Variants in NTM observed in about 807,000 individuals in gnomAD.
NTM encodes IgLON family member 2.
Under a neutral mutation model 42.1 loss-of-function variants are expected in NTM, and 13 were observed. That is an observed-to-expected ratio of 0.31 (90% CI 0.20 to 0.49). The LOEUF (loss-of-function observed/expected upper bound fraction) is 0.49, where lower values mean the gene tolerates loss of function less well. Ranked by LOEUF, NTM falls within the 20% of genes least tolerant of loss-of-function variation. The pLI is 0.99. For missense variants in NTM, 373 were observed against 452.8 expected, an observed-to-expected ratio of 0.82 and a Z score of 1.60; for synonymous variants, 187 against 179.2, an observed-to-expected ratio of 1.04 and a Z score of -0.35.
At chr11:131,832,337 G>T (rs2042924388) in intron 1 of NTM, among the ~76,000 whole-genome samples, 1 of 152,042 alleles carries the variant, frequency 6.6e-6, no homozygotes, top group South Asian at 2.1e-4. Flanking sequence ...AGCATGTGAT[G>T]TTTGGCAAAG....
At chr11:131,670,820 T>C (rs1361176499) in intron 1 of NTM, among the ~76,000 whole-genome samples, 1 of 152,194 alleles carries the variant, frequency 6.6e-6, no homozygotes, top group East Asian at 1.9e-4. Flanking sequence ...CCTCTGATGC[T>C]GCCCGGCGAG....
chr11:131,663,158 A>G (rs1289161856), intron 1 of NTM: 4 of 152,198 alleles, frequency 2.6e-5, no homozygotes, highest in Non-Finnish European at 4.4e-5. Context: ...TCCTACATGC[A>G]TACTCACAGA....
At chr11:131,717,250 G>C (rs768964985) in intron 1 of NTM, among the ~76,000 whole-genome samples, 4 of 152,046 alleles carry the variant, frequency 2.6e-5, no homozygotes, top group Non-Finnish European at 5.9e-5. Context: ...TTTTAAATTA[G>C]CTTGCCAATT....
At chr11:131,661,562 G>A (rs934456451) in intron 1 of NTM, among the ~76,000 whole-genome samples, 5 of 152,138 alleles carry the variant, frequency 3.3e-5, no homozygotes, top group South Asian at 2.1e-4. Context: ...CCTGGTCGCC[G>A]AGGCTGAAAC....
At chr11:131,731,059 GT>G (rs2079618230) in intron 1 of NTM, among the ~76,000 whole-genome samples, 1 of 152,040 alleles carries the variant, frequency 6.6e-6, no homozygotes, top group South Asian at 2.1e-4. Flanking sequence ...ATATCGAATT[GT>G]TTTCTCTTAT....
chr11:132,180,450 TA>T (rs1172307726), intron 3 of NTM, among the ~76,000 whole-genome samples: 1 of 152,070 alleles, frequency 6.6e-6, no homozygotes, highest in African/African-American at 2.4e-5. Context: ...CTTCAATCCT[TA>T]AAAGAAAAGG....
At chr11:132,294,685 G>T (rs1370409652) in intron 4 of NTM, among the ~76,000 whole-genome samples, 1 of 152,126 alleles carries the variant, frequency 6.6e-6, no homozygotes, top group Non-Finnish European at 1.5e-5. Flanking sequence ...CCAAGCAGGT[G>T]CAGGAAAGTC....
At chr11:131,973,718 A>C (rs6590610) in intron 2 of NTM, among the ~76,000 whole-genome samples, 1 of 151,612 alleles carries the variant, frequency 6.6e-6, no homozygotes, top group Non-Finnish European at 1.5e-5. Flanking sequence ...TCGGGAGGCC[A>C]AGGCAGGAGA....
intron 4 of NTM, among the ~76,000 whole-genome samples, chr11:132,303,597 T>C (rs80004536): frequency 0.025 from 3,831 of 152,038 alleles, 154 homozygotes; most frequent in African/African-American, 0.086. Flanking sequence ...GATCTCAACA[T>C]ACCTTTTTTG....
intron 2 of NTM, among the ~76,000 whole-genome samples, chr11:132,072,079 C>T (rs1333089927): frequency 6.6e-6 from 1 of 152,054 alleles, no homozygotes; most frequent in Non-Finnish European, 1.5e-5. Context: ...TGCCTGATGC[C>T]CCCAAGTCAA....
chr11:132,266,976 C>A (rs1457680134), intron 4 of NTM, among the ~76,000 whole-genome samples: 1 of 152,136 alleles, frequency 6.6e-6, no homozygotes, highest in Non-Finnish European at 1.5e-5. Context: ...GGAAAGTTGG[C>A]GTATCAAATC....
chr11:131,763,921 C>T (rs186760152), intron 1 of NTM, among the ~76,000 whole-genome samples: 10 of 151,678 alleles, frequency 6.6e-5, no homozygotes, highest in Non-Finnish European at 1.5e-4. Context: ...TTTTATTTAT[C>T]GTTTCCATTG....
chr11:131,572,442 C>T (rs1015937934), intron 1 of NTM, among the ~76,000 whole-genome samples: 3 of 152,190 alleles, frequency 2.0e-5, no homozygotes, highest in Admixed American at 1.3e-4. Context: ...CCAATCTTCC[C>T]ATCCAGGCTG....
At chr11:132,096,317 A>G (rs2136476502) in intron 2 of NTM, among the ~76,000 whole-genome samples, 1 of 152,290 alleles carries the variant, frequency 6.6e-6, no homozygotes, top group East Asian at 1.9e-4. Context: ...TTTATTTCCT[A>G]GTGCAACCTC....
intron 4 of NTM, among the ~76,000 whole-genome samples, chr11:132,289,079 A>G (rs1296962115): frequency 6.6e-6 from 1 of 152,074 alleles, no homozygotes; most frequent in Non-Finnish European, 1.5e-5. Flanking sequence ...GTCCACCATC[A>G]TATTTGTTTT....
intron 2 of NTM, among the ~76,000 whole-genome samples, chr11:131,987,262 T>C (rs1340190294): frequency 1.3e-5 from 2 of 152,304 alleles, no homozygotes; most frequent in East Asian, 3.9e-4. Context: ...TCCTTAGAAA[T>C]AAGCATATTT....
At chr11:132,018,992 C>T (rs1053957158) in intron 2 of NTM, among the ~76,000 whole-genome samples, 20 of 151,894 alleles carry the variant, frequency 1.3e-4, no homozygotes, top group South Asian at 4.1e-4. Context: ...TCTAATTTGT[C>T]GGCATAAGGT....
At chr11:132,099,812 A>G (rs6590623) in intron 2 of NTM, among the ~76,000 whole-genome samples, 107,255 of 152,122 alleles carry the variant, frequency 0.71, 38,509 homozygotes, top group African/African-American at 0.76. Context: ...CATAAAAAGC[A>G]TTGTAACAAC....
intron 7 of NTM, among the ~76,000 whole-genome samples, chr11:132,328,681 T>G (rs1300075235): frequency 6.6e-6 from 1 of 152,094 alleles, no homozygotes; most frequent in Non-Finnish European, 1.5e-5. Context: ...GGGGTAAAAG[T>G]TTTATGATTA....
Sources: gnomAD v4.1 joint callset for allele counts (sites outside exome capture counted in the v4.1 genomes callset) on GRCh38, gnomAD v4.1.1 for gene constraint, MANE v1.5 for transcripts, NCBI Gene and HGNC (gene_info 2026-07-23, HGNC 2026-07-21) for gene names.